TACC1: variants seen among roughly 807,000 people sequenced by gnomAD.
TACC1 encodes the protein transforming acidic coiled-coil-containing protein 1.
In TACC1, 48 loss-of-function variants were observed where a neutral mutation model predicts 84.4. The observed-to-expected ratio is 0.57, with a 90% CI of 0.45 to 0.72. The LOEUF (loss-of-function observed/expected upper bound fraction) is 0.72, where lower values mean the gene tolerates loss of function less well. TACC1 is among the 30% of genes least tolerant of loss of function. TACC1 has a pLI of 0.00. For missense variants in TACC1, 920 were observed against 973.0 expected, an observed-to-expected ratio of 0.95 and a Z score of 0.72; for synonymous variants, 372 against 376.3, an observed-to-expected ratio of 0.99 and a Z score of 0.13.
intron 10 of TACC1, 74 bp downstream of exon 10, chr8:38,842,521 C>A (rs1298857468): frequency 5.5e-6 from 8 of 1,463,100 alleles, no homozygotes; most frequent in Non-Finnish European, 6.5e-6. Flanking sequence ...TCATCAAATA[C>A]ATATGCCAGA....
intron 1 of TACC1, among the ~76,000 whole-genome samples, chr8:38,735,474 G>C (rs1343247140): frequency 6.6e-6 from 1 of 152,186 alleles, no homozygotes; most frequent in African/African-American, 2.4e-5. Flanking sequence ...GCCAGAGGAG[G>C]GCACCTGCAG....
In TACC1 at chr8:38,850,399, T is replaced by G. The variant is rs1832922599; in HGVS notation, c.*2376T>G. ...TTTATTTTTCTTTAAAAATAAAGGA[T>G]TTTGGAACTCTGGAGAGTAAGAATA... On this transcript the variant is annotated 3_prime_UTR_variant, in exon 13 of 13. Coordinates refer to ENST00000317827, the MANE Select transcript of TACC1 (RefSeq NM_006283.3). The G allele has an allele frequency of 6.6e-6, 1 of 152,096 alleles. No homozygotes were observed. The highest frequency in any genetic ancestry group is 1.5e-5 in the Non-Finnish European group (1 of 68,010). 9.4% of individuals were successfully genotyped at this position (152,096 alleles called of 1,614,324 possible). A position where few individuals can be genotyped will look rare whatever the true frequency, so the allele number is the denominator to read the frequency against.
rs914503212 is a variant in TACC1 at position 38,850,223 on chromosome 8, G to A, written c.*2200G>A. On this transcript the variant is annotated 3_prime_UTR_variant, in exon 13 of 13. Coordinates refer to ENST00000317827, the MANE Select transcript of TACC1 (RefSeq NM_006283.3). ...GCACAGGGAGCACCAAAGGACCTTC[G>A]TTAAGTGATAATTGTCCTGGCCTCT... The A allele has an allele frequency of 4.6e-5, 7 of 152,412 alleles. No homozygotes were observed. The highest frequency in any genetic ancestry group is 2.9e-5 in the Non-Finnish European group (2 of 68,034). 9.4% of individuals were successfully genotyped at this position (152,412 alleles called of 1,614,324 possible).
At chr8:38,735,054 T>C (rs1805701152) in intron 1 of TACC1, among the ~76,000 whole-genome samples, 1 of 152,216 alleles carries the variant, frequency 6.6e-6, no homozygotes. Context: ...GGATACGTCA[T>C]GGAAAAGAGA....
intron 3 of TACC1, among the ~76,000 whole-genome samples, chr8:38,765,680 A>C (rs1413102913): frequency 6.6e-6 from 1 of 152,196 alleles, no homozygotes; most frequent in East Asian, 1.9e-4. Context: ...AGGCACTGTG[A>C]ACATTATTAT....
intron 6 of TACC1, among the ~76,000 whole-genome samples, chr8:38,835,891 A>G (rs1830128039): frequency 6.6e-6 from 1 of 152,262 alleles, no homozygotes; most frequent in African/African-American, 2.4e-5. Flanking sequence ...GACCGCTATT[A>G]TAAGTACACT....
At chr8:38,785,540 A>G (rs990111669), upstream of TACC1, 2 of 275,232 alleles carry the variant, frequency 7.3e-6, no homozygotes, top group Non-Finnish European at 1.1e-5. Context: ...TAGATCATGA[A>G]AGATGGGGAG....
chr8:38,757,134 T>C, intron 3 of TACC1: 1 of 591,986 alleles, frequency 1.7e-6, no homozygotes, highest in Non-Finnish European at 2.3e-6. Flanking sequence ...GGCCCTGCAA[T>C]CCGCGGAGAA....
intron 2 of TACC1, among the ~76,000 whole-genome samples, chr8:38,815,512 C>T (rs1405503353): frequency 6.6e-6 from 1 of 152,014 alleles, no homozygotes. Flanking sequence ...CTCTGCCTCC[C>T]AGGTTCAAGC....
chr8:38,827,280 A>G lies in TACC1; in HGVS notation c.1565A>G (p.Glu522Gly). The G allele has an allele frequency of 6.2e-7, 1 of 1,614,200 alleles. No homozygotes were observed. The highest frequency in any genetic ancestry group is 2.2e-5 in the East Asian group (1 of 44,886). The change falls in exon 5 of 13, where the codon GAG (glutamate) becomes GGG (glycine). Residue 522 changes from glutamate to glycine, a missense_variant. Physicochemically the swap from Glu to Gly is moderately conservative, Grantham distance 98. Transcript: ENST00000317827. ...TGTGGTCAGAAATCAGCTGGTGCCGAGGTGAAAGGTGAGCCAGAGGAAGAC... is the reference window on the plus strand; with the variant it reads ...TGTGGTCAGAAATCAGCTGGTGCCGGGGTGAAAGGTGAGCCAGAGGAAGAC... ...TSCGQKSAGA[E>G]VKGEPEEDLE...
In TACC1 at chr8:38,851,423, C is replaced by G. The variant is rs547359874; in HGVS notation, c.*3400C>G. Reference sequence around the variant, plus strand: ...CTGGGTAAAAGCAGCTGGAGTGAAGCACTCATTTTCCATAAAGGTAACAAA... The same window carrying G: ...CTGGGTAAAAGCAGCTGGAGTGAAGGACTCATTTTCCATAAAGGTAACAAA... On this transcript the variant is annotated 3_prime_UTR_variant, in exon 13 of 13. Transcript: ENST00000317827. The G allele has an allele frequency of 6.5e-6, 1 of 154,470 alleles. No homozygotes were observed. The highest frequency in any genetic ancestry group is 2.0e-4 in the South Asian group (1 of 5,014). 9.6% of individuals were successfully genotyped at this position (154,470 alleles called of 1,614,324 possible). A position where few individuals can be genotyped will look rare whatever the true frequency, so the allele number is the denominator to read the frequency against.
chr8:38,760,335 T>A (rs1469091897), intron 3 of TACC1, among the ~76,000 whole-genome samples: 1 of 152,216 alleles, frequency 6.6e-6, no homozygotes, highest in Non-Finnish European at 1.5e-5. Flanking sequence ...TAAAAGCTAG[T>A]GGAAATTTCA....
upstream of TACC1, among the ~76,000 whole-genome samples, chr8:38,787,002 G>A (rs1472168132): frequency 6.6e-6 from 1 of 151,972 alleles, no homozygotes; most frequent in African/African-American, 2.4e-5. Flanking sequence ...GGACGCCGGC[G>A]GACCTGTGGG....
chr8:38,777,544 G>A (rs1417418245), intron 3 of TACC1, among the ~76,000 whole-genome samples: 1 of 152,156 alleles, frequency 6.6e-6, no homozygotes, highest in Non-Finnish European at 1.5e-5. Context: ...TGCTTCTGTA[G>A]GCCAAGGGGT....
At chr8:38,729,056 A>T (rs893389714) in intron 1 of TACC1, among the ~76,000 whole-genome samples, 1 of 149,694 alleles carries the variant, frequency 6.7e-6, no homozygotes, top group Non-Finnish European at 1.5e-5. Flanking sequence ...GCCCAGGAGC[A>T]GTCATAAATA....
intron 3 of TACC1, among the ~76,000 whole-genome samples, chr8:38,749,614 T>A (rs1808669866): frequency 6.6e-6 from 1 of 152,040 alleles, no homozygotes; most frequent in Non-Finnish European, 1.5e-5. Flanking sequence ...TTTTTTGAGA[T>A]GGAGTCTCAG....
chr8:38,824,565 C>T (rs1403723431), intron 3 of TACC1: 5 of 152,324 alleles, frequency 3.3e-5, no homozygotes, highest in African/African-American at 1.2e-4. Context: ...AAAAAAGTTG[C>T]AAATAATTTT....
rs1833093891 is a variant in TACC1 at position 38,851,592 on chromosome 8, T to G, written c.*3569T>G. ...TCTGAAGCCCCCTTTTAACTTCCTC[T>G]TGGTTTTTCATTATAATTGGTAGCC... On this transcript the variant is annotated 3_prime_UTR_variant, in exon 13 of 13. Transcript: ENST00000317827. 1 of 197,202 alleles carries G rather than the reference T, an allele frequency of 5.1e-6. No homozygotes were observed. The highest frequency in any genetic ancestry group is 1.3e-4 in the East Asian group (1 of 7,902). 12.2% of individuals were successfully genotyped at this position (197,202 alleles called of 1,614,324 possible).
At chr8:38,755,385 G>C (rs912753296) in intron 3 of TACC1, among the ~76,000 whole-genome samples, 2 of 152,184 alleles carry the variant, frequency 1.3e-5, no homozygotes, top group Non-Finnish European at 2.9e-5. Context: ...ACTGTGCTGG[G>C]CACTAAGCTA....
Sources: allele counts gnomAD v4.1 joint callset (sites outside exome capture counted in the v4.1 genomes callset), GRCh38; gene constraint gnomAD v4.1.1; transcripts MANE v1.5; gene names NCBI Gene and HGNC (gene_info 2026-07-23, HGNC 2026-07-21).